Variants in DGKI observed in about 807,000 individuals in gnomAD.
The protein encoded by DGKI is diacylglycerol kinase iota.
Under a neutral mutation model 147.5 loss-of-function variants are expected in DGKI, and 55 were observed. The ratio of observed to expected loss-of-function variants is 0.37; its 90% CI spans 0.30 to 0.47. The LOEUF is 0.47. Ranked by LOEUF, DGKI falls within the 20% of genes least tolerant of loss-of-function variation. The pLI is 1.00. For synonymous variants in DGKI, 469 were observed against 477.1 expected, an observed-to-expected ratio of 0.98 and a Z score of 0.22; for missense variants, 1,007 against 1,323.8, an observed-to-expected ratio of 0.76 and a Z score of 3.71.
chr7:137,472,150 CATATAA>C (rs2128929244), intron 23 of DGKI, among the ~76,000 whole-genome samples: 1 of 117,316 alleles, frequency 8.5e-6, no homozygotes, highest in African/African-American at 3.4e-5. Flanking sequence ...TGTGTATATA[CATATAA>C]ATATTATATA....
rs1437220700 is a variant in DGKI, at chr7:137,581,414, T to C, written c.1642+436A>G. 3.3e-5 allele frequency among the ~76,000 whole-genome samples: 5 copies of C among 152,138 alleles called. No homozygotes were observed. In the East Asian group the frequency reaches 7.7e-4, roughly 23 times the overall value. ...ACAAACAGAGGGGACATTTTTGTTT[T>C]TGCTACCATATTTCAATGGCTGTGG... On this transcript the variant is annotated intron_variant, in intron 15 of 32. Transcript: ENST00000614521.
At chr7:137,753,066 GCA>G (rs1795559604) in intron 1 of DGKI, among the ~76,000 whole-genome samples, 2 of 147,578 alleles carry the variant, frequency 1.4e-5, no homozygotes, top group Admixed American at 1.4e-4. Flanking sequence ...ACACACACAC[GCA>G]CACCCACAAT....
At chr7:137,582,587 A>C (rs1160215212) in intron 14 of DGKI, among the ~76,000 whole-genome samples, 1 of 152,066 alleles carries the variant, frequency 6.6e-6, no homozygotes, top group Non-Finnish European at 1.5e-5. Flanking sequence ...CATTTAATCT[A>C]TCAACCCTTA....
intron 1 of DGKI, among the ~76,000 whole-genome samples, chr7:137,783,019 C>T (rs1410022403): frequency 1.3e-5 from 2 of 152,186 alleles, no homozygotes; most frequent in South Asian, 4.1e-4. Context: ...ACATAGTCTA[C>T]CCAAATGAGA....
At chr7:137,756,112 A>G (rs114818662) in intron 1 of DGKI, among the ~76,000 whole-genome samples, 46 of 152,352 alleles carry the variant, frequency 3.0e-4, no homozygotes, top group Non-Finnish European at 5.9e-4. Flanking sequence ...CAGAAGCCCC[A>G]GTGTACATAC....
intron 1 of DGKI, among the ~76,000 whole-genome samples, chr7:137,733,540 T>G (rs1794942452): frequency 6.6e-6 from 1 of 152,100 alleles, no homozygotes; most frequent in South Asian, 2.1e-4. Flanking sequence ...TGTACTACTT[T>G]TACAAAGTTT....
At chr7:137,400,201 C>T (rs552390556) in intron 30 of DGKI, among the ~76,000 whole-genome samples, 3 of 152,190 alleles carry the variant, frequency 2.0e-5, no homozygotes, top group East Asian at 1.9e-4. Flanking sequence ...GCACTCTTCA[C>T]GTCAGCAAGG....
chr7:137,835,123 T>G (rs1243181472), intron 1 of DGKI, among the ~76,000 whole-genome samples: 1 of 152,216 alleles, frequency 6.6e-6, no homozygotes, highest in Non-Finnish European at 1.5e-5. Context: ...AACAAAATTT[T>G]GTTCTATACC....
intron 1 of DGKI, among the ~76,000 whole-genome samples, chr7:137,769,578 T>C (rs1219546247): frequency 6.6e-6 from 1 of 152,112 alleles, no homozygotes; most frequent in Non-Finnish European, 1.5e-5. Context: ...ATCTACTCAT[T>C]TGACAAAGGT....
chr7:137,749,646 A>AAATTTAAATTTTTTAAATTTT (rs1795439982), intron 1 of DGKI, among the ~76,000 whole-genome samples: 1 of 152,190 alleles, frequency 6.6e-6, no homozygotes, highest in African/African-American at 2.4e-5. Context: ...TTGTGGACTG[A>AAATTTAAATTTTTTAAATTTT]GTGCTTGAGC....
At chr7:137,459,508 G>A (rs546488346) in intron 27 of DGKI, among the ~76,000 whole-genome samples, 3 of 120,422 alleles carry the variant, frequency 2.5e-5, no homozygotes, top group Admixed American at 1.1e-4. Flanking sequence ...ATGGAGTCTC[G>A]CTGTTGCCCA....
chr7:137,477,740 T>C (rs1815224377), intron 23 of DGKI, among the ~76,000 whole-genome samples: 1 of 152,196 alleles, frequency 6.6e-6, no homozygotes, highest in Non-Finnish European at 1.5e-5. Context: ...CACTGCATCC[T>C]CTGCCTCCTG....
intron 6 of DGKI, among the ~76,000 whole-genome samples, chr7:137,633,299 A>T (rs937017214): frequency 3.3e-5 from 5 of 151,984 alleles, no homozygotes; most frequent in Admixed American, 6.6e-5. Flanking sequence ...ATCAGTATTA[A>T]TTTCCTTTGT....
intron 20 of DGKI, among the ~76,000 whole-genome samples, chr7:137,549,608 T>C (rs1817979268): frequency 6.6e-6 from 1 of 152,134 alleles, no homozygotes; most frequent in South Asian, 2.1e-4. Flanking sequence ...ATAAAGAAAA[T>C]GTCTTTCAAG....
chr7:137,709,264 C>T (rs1016943996), intron 1 of DGKI, among the ~76,000 whole-genome samples: 7 of 152,120 alleles, frequency 4.6e-5, no homozygotes, highest in Non-Finnish European at 7.4e-5. Context: ...GGGCCTCTTT[C>T]TCTTATGGGC....
chr7:137,731,971 C>T (rs948439177), intron 1 of DGKI, among the ~76,000 whole-genome samples: 4 of 152,064 alleles, frequency 2.6e-5, no homozygotes, highest in African/African-American at 4.8e-5. Context: ...ATCTTTACTT[C>T]AGTACAACAC....
intron 1 of DGKI, among the ~76,000 whole-genome samples, chr7:137,707,940 TTG>T (rs1794091100): frequency 6.6e-6 from 1 of 152,144 alleles, no homozygotes; most frequent in Non-Finnish European, 1.5e-5. Flanking sequence ...GTTTTGTTTT[TTG>T]CCTCCAAATC....
intron 21 of DGKI, chr7:137,493,724 G>T: frequency 1.4e-6 from 1 of 700,494 alleles, no homozygotes; most frequent in South Asian, 1.5e-5. Flanking sequence ...AGCCCACAAA[G>T]ATGAAAAAGA....
At chr7:137,678,524 G>A in intron 3 of DGKI, 33 bp downstream of exon 3, 1 of 1,602,974 alleles carries the variant, frequency 6.2e-7, no homozygotes, top group Non-Finnish European at 8.5e-7. Flanking sequence ...AGATCCACAG[G>A]CCTTCCCCCA....
Sources: gnomAD v4.1 joint callset for allele counts (sites outside exome capture counted in the v4.1 genomes callset) on GRCh38, gnomAD v4.1.1 for gene constraint, MANE v1.5 for transcripts, NCBI Gene and HGNC (gene_info 2026-07-23, HGNC 2026-07-21) for gene names.